Variants in WDR5 observed in about 807,000 individuals in gnomAD.
WDR5 encodes the protein WD repeat domain 5, also known as WD repeat-containing protein 5.
For synonymous variants in WDR5, 144 were observed against 161.6 expected (o/e 0.89, Z 0.83); for missense variants, 187 against 416.9 (o/e 0.45, Z 4.80).
rs1259451432 is a variant in WDR5 at position 134,155,374 on chromosome 9, G to GTGAGCCCCCGCAGGCT, written c.741+4_741+19dup. ...GCTCTGGGACTACAGCAAGGGGAAGGTGAGCCCCCGCAGGCTTGGGCCCCC... is the reference window on the plus strand; with the variant it reads ...GCTCTGGGACTACAGCAAGGGGAAGGTGAGCCCCCGCAGGCTTGAGCCCCCGCAGGCTTGGGCCCCC... On this transcript the variant is annotated splice_donor_variant, in intron 11 of 13. Coordinates refer to ENST00000358625, the MANE Select transcript of WDR5 (RefSeq NM_017588.3). LOFTEE classifies it high-confidence loss of function. The GTGAGCCCCCGCAGGCT allele has an allele frequency of 6.2e-7, 1 of 1,607,534 alleles. No individual in the cohort carries two copies. The highest frequency in any genetic ancestry group is 1.1e-5 in the South Asian group (1 of 90,046).
intron 1 of WDR5, 97 bp from the exon 2 acceptor site, chr9:134,139,723 G>A (rs1831775737): frequency 1.3e-6 from 1 of 742,768 alleles, no homozygotes; most frequent in Non-Finnish European, 2.2e-6. Context: ...GCTCAATATG[G>A]TAGTCAAATG....
intron 13 of WDR5, among the ~76,000 whole-genome samples, chr9:134,156,887 C>T (rs1385374250): frequency 6.6e-6 from 1 of 152,232 alleles, no homozygotes; most frequent in Non-Finnish European, 1.5e-5. Flanking sequence ...TGCAGCCCGT[C>T]CCACGTCACG....
chr9:134,138,600 C>T (rs1401497461), intron 1 of WDR5, among the ~76,000 whole-genome samples: 3 of 152,172 alleles, frequency 2.0e-5, no homozygotes, highest in East Asian at 1.9e-4. Flanking sequence ...GTACTGTACT[C>T]GGCCCTAGAT....
chr9:134,142,538 T>A, intron 6 of WDR5, 98 bp from the exon 7 acceptor site: 1 of 1,554,648 alleles, frequency 6.4e-7, no homozygotes, highest in East Asian at 2.2e-5. Flanking sequence ...CTTTCTGTGC[T>A]GTTTGTGGGG....
In WDR5 at chr9:134,139,805, C is replaced by A; in HGVS notation, c.-58-15C>A. 1 of 1,514,038 alleles carries A rather than the reference C, an allele frequency of 6.6e-7. No homozygotes were observed. The highest frequency in any genetic ancestry group is 1.8e-5 in the Admixed American group (1 of 55,234). The allele number at this position is 1,514,038 out of a possible 1,614,324, so 93.8% of individuals were successfully genotyped here. ...GTTTGTTTCTTGGCTCCCTGTTCTG[C>A]ATCTCGCTCAACAGACTGCCTCTGT... On this transcript the variant is annotated splice_polypyrimidine_tract_variant and intron_variant, in intron 1 of 13. Transcript: ENST00000358625.
chr9:134,135,941 C>G (rs563724751), upstream of WDR5: 1 of 152,246 alleles, frequency 6.6e-6, no homozygotes, highest in East Asian at 1.9e-4. Flanking sequence ...GCGCGCGCCC[C>G]GTGCTGTCCC....
intron 8 of WDR5, 99 bp downstream of exon 8, chr9:134,148,442 C>A (rs1027174023): frequency 5.6e-6 from 6 of 1,077,294 alleles, no homozygotes; most frequent in Non-Finnish European, 8.3e-6. Context: ...TGACAAAAGA[C>A]CCAAGTCCTT....
At chr9:134,148,145 ACT>A (rs1439247702) in intron 7 of WDR5, 141 bp from the exon 8 acceptor site, 1 of 634,332 alleles carries the variant, frequency 1.6e-6, no homozygotes, top group African/African-American at 2.0e-5. Flanking sequence ...ACAGAGCGAG[ACT>A]CTTTCTGAAA....
chr9:134,156,692 C>A, intron 13 of WDR5, 99 bp downstream of exon 13: 2 of 1,189,002 alleles, frequency 1.7e-6, no homozygotes, highest in Non-Finnish European at 2.4e-6. Flanking sequence ...GTCGTCTTCC[C>A]CTTCCCACCT....
Position 134,158,119 on chromosome 9 carries a change from C to T in WDR5, c.*126C>T, listed in dbSNP as rs1044097229. ...TCAGGACAGGGCCTGATTTGAGCCT[C>T]CTCTCTGAAGATGATTTGGCCGAGC... On this transcript the variant is annotated 3_prime_UTR_variant, in exon 14 of 14. Transcript: ENST00000358625. The T allele has an allele frequency of 1.2e-5, 10 of 800,026 alleles. No homozygotes were observed. Among genetic ancestry groups the T allele is most frequent in the South Asian group, 1.1e-4 (7 of 61,258 alleles). The allele number at this position is 800,026 out of a possible 1,614,324, so 49.6% of individuals were successfully genotyped here.
At chr9:134,150,442 G>A (rs1020185719) in intron 8 of WDR5, among the ~76,000 whole-genome samples, 4 of 152,126 alleles carry the variant, frequency 2.6e-5, no homozygotes, top group African/African-American at 4.8e-5. Context: ...ACCACTTACT[G>A]GTAACTAATA....
chr9:134,145,948 TTTTG>T (rs201427821), intron 7 of WDR5, among the ~76,000 whole-genome samples: 8,224 of 146,786 alleles, frequency 0.056, 562 homozygotes, highest in African/African-American at 0.17. Context: ...TTTTTTTTTT[TTTTG>T]TTTTTTAATA....
intron 9 of WDR5, among the ~76,000 whole-genome samples, chr9:134,153,370 C>T (rs1832589839): frequency 6.6e-6 from 1 of 152,188 alleles, no homozygotes; most frequent in Non-Finnish European, 1.5e-5. Context: ...CCATCGGCGT[C>T]TCCTCAGGTC....
intron 8 of WDR5, among the ~76,000 whole-genome samples, chr9:134,151,074 C>T (rs1304306710): frequency 1.3e-5 from 2 of 152,046 alleles, no homozygotes; most frequent in Non-Finnish European, 2.9e-5. Context: ...GCAGTGATTG[C>T]GGAGCTAGAG....
intron 4 of WDR5, 79 bp downstream of exon 4, chr9:134,141,662 G>A: frequency 7.0e-7 from 1 of 1,425,002 alleles, no homozygotes; most frequent in South Asian, 1.2e-5. Context: ...GCTGCTTCGA[G>A]AGCTGTGGGT....
intron 1 of WDR5, among the ~76,000 whole-genome samples, chr9:134,136,955 C>G (rs1421384138): frequency 6.6e-6 from 1 of 152,210 alleles, no homozygotes; most frequent in Non-Finnish European, 1.5e-5. Context: ...GACAGGAAAG[C>G]GAAGGACCCA....
Position 134,159,451 on chromosome 9 carries a change from TG to T in WDR5, c.*1460del. Reference sequence around the variant, plus strand: ...AGCCAGCTCTGCCTTTCTCAGGGCCTGGAGTCCTGGATGAATCCTGCAGGTT... The same window carrying T: ...AGCCAGCTCTGCCTTTCTCAGGGCCTGAGTCCTGGATGAATCCTGCAGGTT... On this transcript the variant is annotated 3_prime_UTR_variant, in exon 14 of 14. Coordinates refer to ENST00000358625, the MANE Select transcript of WDR5 (RefSeq NM_017588.3). The surrounding 1 kb of genome is among the most constrained non-coding windows in gnomAD (Gnocchi z 4.3). The T allele has an allele frequency of 6.6e-6, 1 of 152,498 alleles. No individual in the cohort carries two copies. Among genetic ancestry groups the T allele is most frequent in the Non-Finnish European group, 1.5e-5 (1 of 68,184 alleles). The allele number at this position is 152,498 out of a possible 1,614,324, so 9.4% of individuals were successfully genotyped here. A position where few individuals can be genotyped will look rare whatever the true frequency, so the allele number is the denominator to read the frequency against.
rs184473823 is a variant in WDR5, at chr9:134,143,720, G to A, written c.528+1001G>A. Among the ~76,000 whole-genome samples, 11 of 151,902 alleles carry A rather than the reference G, an allele frequency of 7.2e-5. No individual in the cohort carries two copies. The East Asian group carries it at 2.2e-3, about 30-fold the overall frequency. On this transcript the variant is annotated intron_variant, in intron 7 of 13. Transcript: ENST00000358625. ...TTTTTTGTATTTTTAGTAGAGACGGGGTTTCACCGTGGTTTCGATCTCCTG... is the reference window on the plus strand; with the variant it reads ...TTTTTTGTATTTTTAGTAGAGACGGAGTTTCACCGTGGTTTCGATCTCCTG...
At chr9:134,147,934 C>G (rs1588174475) in intron 7 of WDR5, among the ~76,000 whole-genome samples, 3 of 152,110 alleles carry the variant, frequency 2.0e-5, no homozygotes, top group Non-Finnish European at 4.4e-5. Context: ...GCGGGTGGAT[C>G]ACTTGCGGTC....
Sources: allele counts gnomAD v4.1 joint callset (sites outside exome capture counted in the v4.1 genomes callset), GRCh38; gene constraint gnomAD v4.1.1; non-coding constraint Gnocchi (gnomAD v3.1); transcripts MANE v1.5; gene names NCBI Gene and HGNC (gene_info 2026-07-23, HGNC 2026-07-21).